Variants in FAT3 observed in about 807,000 individuals in gnomAD.
FAT3 encodes protocadherin Fat 3.
In FAT3, 95 loss-of-function variants were observed where a neutral mutation model predicts 310.2. That is an observed-to-expected ratio of 0.31 (90% CI 0.26 to 0.36). The LOEUF is 0.36. Ranked by LOEUF, FAT3 falls within the 10% of genes least tolerant of loss-of-function variation. The pLI is 1.00. For synonymous variants in FAT3, 2,314 were observed against 2,192.9 expected (o/e 1.06, Z -1.54); for missense variants, 5,408 against 5,715.6 (o/e 0.95, Z 1.74).
intron 3 of FAT3, among the ~76,000 whole-genome samples, chr11:92,689,834 A>G (rs1022692051): frequency 8.5e-5 from 13 of 152,310 alleles, no homozygotes; most frequent in African/African-American, 2.6e-4. Flanking sequence ...AGTATTGTCT[A>G]TCATACAAGA....
intron 3 of FAT3, among the ~76,000 whole-genome samples, chr11:92,638,603 C>T (rs1367898025): frequency 6.6e-6 from 1 of 152,154 alleles, no homozygotes; most frequent in Non-Finnish European, 1.5e-5. Flanking sequence ...TTTTGCTACA[C>T]ATCTGGACCC....
intron 1 of FAT3, among the ~76,000 whole-genome samples, chr11:92,307,023 T>G (rs1947160128): frequency 6.6e-6 from 1 of 151,332 alleles, no homozygotes; most frequent in Non-Finnish European, 1.5e-5. Flanking sequence ...TCTCCAACTC[T>G]TGGGGTCAAG....
intron 2 of FAT3, among the ~76,000 whole-genome samples, chr11:92,507,929 G>T (rs1279510324): frequency 6.6e-6 from 1 of 152,024 alleles, no homozygotes; most frequent in Non-Finnish European, 1.5e-5. Flanking sequence ...CATTGGCTAT[G>T]TGATTGTGTC....
At chr11:92,387,189 A>G (rs564031053) in intron 2 of FAT3, among the ~76,000 whole-genome samples, 50 of 151,866 alleles carry the variant, frequency 3.3e-4, no homozygotes, top group Non-Finnish European at 6.3e-4. Context: ...AGAAATAGGT[A>G]TTATTCTAAA....
intron 1 of FAT3, chr11:92,336,263 C>T (rs898678157): frequency 1.8e-6 from 1 of 541,726 alleles, no homozygotes; most frequent in African/African-American, 1.9e-5. Flanking sequence ...AAATGGGGTC[C>T]TTGTCATAGC....
intron 3 of FAT3, among the ~76,000 whole-genome samples, chr11:92,587,664 T>A (rs529911): frequency 6.6e-6 from 1 of 151,792 alleles, no homozygotes; most frequent in Non-Finnish European, 1.5e-5. Context: ...TGTACCATGG[T>A]GTCTTGAGAA....
chr11:92,562,956 C>T (rs1267979897), intron 3 of FAT3, among the ~76,000 whole-genome samples: 1 of 152,148 alleles, frequency 6.6e-6, no homozygotes. Context: ...AATGTTTTTA[C>T]CAGCTATCTG....
intron 19 of FAT3, 34 bp from the exon 20 acceptor site, chr11:92,857,180 T>G: frequency 1.2e-6 from 2 of 1,613,732 alleles, no homozygotes; most frequent in Non-Finnish European, 1.7e-6. Flanking sequence ...AATCCCTTTG[T>G]GTACTGATCA....
At chr11:92,887,231 G>C in intron 25 of FAT3, 118 bp downstream of exon 25, 1 of 832,524 alleles carries the variant, frequency 1.2e-6, no homozygotes, top group East Asian at 2.7e-5. Context: ...ATGGGCTTTT[G>C]AGCGTGTTCA....
chr11:92,542,092 A>G (rs1273734486), intron 3 of FAT3, among the ~76,000 whole-genome samples: 1 of 152,108 alleles, frequency 6.6e-6, no homozygotes, highest in East Asian at 1.9e-4. Flanking sequence ...TGGAGAAAGG[A>G]CACCCTCTTA....
chr11:92,579,122 A>T (rs1273133606), intron 3 of FAT3, among the ~76,000 whole-genome samples: 4 of 152,144 alleles, frequency 2.6e-5, no homozygotes, highest in African/African-American at 9.6e-5. Flanking sequence ...ACCATAAAAG[A>T]TCAGTGGTTG....
chr11:92,282,358 T>C (rs1009720773), intron 1 of FAT3, among the ~76,000 whole-genome samples: 16 of 152,280 alleles, frequency 1.1e-4, no homozygotes, highest in African/African-American at 3.6e-4. Context: ...TTTCACAGTG[T>C]ATTCATACAT....
intron 1 of FAT3, among the ~76,000 whole-genome samples, chr11:92,254,912 G>C (rs2134287333): frequency 6.6e-6 from 1 of 151,514 alleles, no homozygotes; most frequent in Middle Eastern, 3.4e-3. Flanking sequence ...CACCGTGTTA[G>C]CCAGGCTGAT....
At position 92,355,295 on chromosome 11, in the gene FAT3, C is replaced by T. The variant is rs559644906; in HGVS notation, c.3183C>T (p.Ser1061=). The change falls in exon 2 of 28, where the codon AGC becomes AGT. Residue 1061 remains serine, a synonymous_variant. Coordinates refer to ENST00000525166, the MANE Select transcript of FAT3 (RefSeq NM_001367949.2). ...SVKENSRIGT[S]VLQVTARDED... is the part of the protein sequence containing the mutation. ...AGGAAAACTCACGCATTGGAACAAG[C>T]GTGCTGCAGGTGACTGCTCGAGATG... 46 of 1,613,804 alleles carry T rather than the reference C, an allele frequency of 2.9e-5. No homozygotes were observed. The highest frequency in any genetic ancestry group is 1.1e-4 in the East Asian group (5 of 44,862).
At chr11:92,647,581 C>T (rs1399551450) in intron 3 of FAT3, among the ~76,000 whole-genome samples, 1 of 152,114 alleles carries the variant, frequency 6.6e-6, no homozygotes, top group African/African-American at 2.4e-5. Context: ...GATGATAATT[C>T]TTATAACATT....
chr11:92,304,292 A>G (rs1947068028), intron 1 of FAT3, among the ~76,000 whole-genome samples: 1 of 152,060 alleles, frequency 6.6e-6, no homozygotes, highest in Admixed American at 6.6e-5. Context: ...AATTGACTCA[A>G]TGTATTGCTT....
At chr11:92,584,479 TC>T (rs1164587058) in intron 3 of FAT3, among the ~76,000 whole-genome samples, 5 of 145,770 alleles carry the variant, frequency 3.4e-5, no homozygotes, top group East Asian at 2.0e-4. Context: ...CAGCTTTTTT[TC>T]CCCCCCTTTT....
intron 1 of FAT3, among the ~76,000 whole-genome samples, chr11:92,293,512 T>TTATATATA (rs1195340265): frequency 3.5e-3 from 238 of 67,792 alleles, no homozygotes; most frequent in South Asian, 7.2e-3. Flanking sequence ...GAACCTCAGA[T>TTATATATA]TATATATATA....
chr11:92,688,018 C>T (rs1347202457), intron 3 of FAT3, among the ~76,000 whole-genome samples: 3 of 151,264 alleles, frequency 2.0e-5, no homozygotes, highest in Non-Finnish European at 4.4e-5. Flanking sequence ...GAATTAGAGA[C>T]CACATCTCTA....
Sources: gnomAD v4.1 joint callset for allele counts (sites outside exome capture counted in the v4.1 genomes callset) on GRCh38, gnomAD v4.1.1 for gene constraint, MANE v1.5 for transcripts, NCBI Gene and HGNC (gene_info 2026-07-23, HGNC 2026-07-21) for gene names.